The following DNAH8 variants were observed in gnomAD, a reference collection of about 807,000 sequenced individuals.
DNAH8 encodes the protein dynein axonemal heavy chain 8.
DNAH8 carries 382 observed loss-of-function variants against 562.1 expected under a neutral mutation model. That is an observed-to-expected ratio of 0.68 (90% CI 0.63 to 0.74). The LOEUF (loss-of-function observed/expected upper bound fraction) is 0.74, where lower values mean the gene tolerates loss of function less well. DNAH8 is among the 30% of genes least tolerant of loss of function. The pLI is 0.00. For missense variants in DNAH8, 5,203 were observed against 5,620.4 expected, an observed-to-expected ratio of 0.93 and a Z score of 2.37; for synonymous variants, 1,881 against 1,919.4, an observed-to-expected ratio of 0.98 and a Z score of 0.52.
At chr6:38,989,367 C>T (rs865879320) in intron 87 of DNAH8, among the ~76,000 whole-genome samples, 6 of 152,134 alleles carry the variant, frequency 3.9e-5, no homozygotes, top group Middle Eastern at 3.2e-3. Flanking sequence ...TTCACACCAA[C>T]TATATATTTG....
chr6:38,904,634 A>C (rs1393567829), intron 62 of DNAH8, among the ~76,000 whole-genome samples: 1 of 151,960 alleles, frequency 6.6e-6, no homozygotes, highest in Non-Finnish European at 1.5e-5. Context: ...TACTAAAAAT[A>C]CAAAAAAATT....
chr6:38,823,166 C>T, intron 27 of DNAH8, 132 bp downstream of exon 27: 1 of 702,768 alleles, frequency 1.4e-6, no homozygotes, highest in East Asian at 2.8e-5. Flanking sequence ...TACCAAGCAC[C>T]TGTCACCTTC....
In DNAH8 at chr6:39,002,391, T is replaced by C. The variant is rs552711321; in HGVS notation, c.13215-6423T>C. Among the ~76,000 whole-genome samples, 27 of 152,334 alleles carry C rather than the reference T, an allele frequency of 1.8e-4. 1 individual carries two copies. The South Asian group carries it at 3.7e-3, about 21-fold the overall frequency. On this transcript the variant is annotated intron_variant, in intron 88 of 92. Transcript: ENST00000327475. The stretch of plus-strand genomic sequence containing the variant: ...ATAGTAACATGTGGATCCTTGACTT[T>C]TGTTGACTTCATTTTGTTGTCTCAT...
chr6:38,734,770 A>C (rs1763954459), intron 5 of DNAH8, 145 bp downstream of exon 5: 2 of 906,132 alleles, frequency 2.2e-6, no homozygotes, highest in Non-Finnish European at 3.2e-6. Context: ...ATTAAAAAAA[A>C]CTGAGAAATT....
intron 88 of DNAH8, among the ~76,000 whole-genome samples, chr6:39,002,362 G>C (rs1044526092): frequency 6.6e-6 from 1 of 152,200 alleles, no homozygotes; most frequent in Non-Finnish European, 1.5e-5. Context: ...TTCTGAAAAT[G>C]TATATAGTAA....
chr6:38,826,734 T>A lies in DNAH8; in HGVS notation c.4083+343T>A, dbSNP rs1223890960. ...ACATGTTAGGCAAGTTCTCCCAAGA[T>A]CTTTGGCTTGCCTTAGAAACCAATT... On this transcript the variant is annotated intron_variant, in intron 29 of 92. Transcript: ENST00000327475. Among the ~76,000 whole-genome samples the A allele has an allele frequency of 3.3e-5, 5 of 152,348 alleles. No individual in the cohort carries two copies. In the East Asian group the frequency reaches 9.6e-4, roughly 29 times the overall value.
chr6:38,790,366 C>A lies in DNAH8; in HGVS notation c.2742C>A (p.Val914=). The A allele has an allele frequency of 1.9e-6, 3 of 1,604,694 alleles. No individual in the cohort carries two copies. The highest frequency in any genetic ancestry group is 1.1e-5 in the South Asian group (1 of 89,510). The change falls in exon 20 of 93, where the codon GTC becomes GTA. Residue 914 remains valine (V), a synonymous_variant. Coordinates refer to ENST00000327475, the MANE Select transcript of DNAH8 (RefSeq NM_001206927.2). ...CACTGGAAAGCTTCTTTCAAGAAGT[C>A]GAATTAGTTTTGGATATGTTCAATC... is the stretch of plus-strand genomic sequence containing the variant. ...SLTLESFFQE[V]ELVLDMFNQL...
chr6:38,731,947 C>G (rs1378287806), intron 4 of DNAH8, among the ~76,000 whole-genome samples: 1 of 152,196 alleles, frequency 6.6e-6, no homozygotes, highest in Non-Finnish European at 1.5e-5. Context: ...AACTCCTGGC[C>G]TCAGGTGATC....
chr6:38,968,541 T>C (rs927151731), intron 82 of DNAH8, among the ~76,000 whole-genome samples: 7 of 152,138 alleles, frequency 4.6e-5, no homozygotes, highest in Admixed American at 2.6e-4. Context: ...ATACTCAGCT[T>C]TGTTAGTTAT....
intron 10 of DNAH8, among the ~76,000 whole-genome samples, chr6:38,759,723 C>A (rs78931935): frequency 6.6e-6 from 1 of 151,984 alleles, no homozygotes; most frequent in Non-Finnish European, 1.5e-5. Context: ...GGTTTTCATT[C>A]CCCCCAACCC....
At chr6:38,887,794 T>C (rs1779055390) in intron 57 of DNAH8, among the ~76,000 whole-genome samples, 2 of 151,592 alleles carry the variant, frequency 1.3e-5, no homozygotes, top group Admixed American at 6.6e-5. Flanking sequence ...ATTAATTATT[T>C]GATATAGCAA....
At chr6:39,023,327 C>T (rs192231826) in intron 91 of DNAH8, among the ~76,000 whole-genome samples, 17 of 152,144 alleles carry the variant, frequency 1.1e-4, no homozygotes, top group Admixed American at 2.6e-4. Flanking sequence ...CCCGTCTCTA[C>T]TAAAAAATAC....
At position 38,868,065 on chromosome 6, in the gene DNAH8, C is replaced by T; in HGVS notation, c.6697C>T (p.His2233Tyr). 6.2e-7 allele frequency: 1 copy of T among 1,607,228 alleles called. No individual in the cohort carries two copies. Among genetic ancestry groups the T allele is most frequent in the Non-Finnish European group, 8.5e-7 (1 of 1,178,262 alleles). Residue 2233 changes from histidine to tyrosine, a missense_variant, in exon 48 of 93, where the codon CAT becomes TAT. Transcript: ENST00000327475. ...LCEEQLTKQVHYDFGLRNILS... is the reference protein window; with the variant it reads ...LCEEQLTKQVYYDFGLRNILS... ...TTGCCCTCTTCTCCCATCTCAGGTTCATTATGACTTTGGATTGAGAAATAT... is the reference window on the plus strand; with the variant it reads ...TTGCCCTCTTCTCCCATCTCAGGTTTATTATGACTTTGGATTGAGAAATAT...
At chr6:38,790,062 G>C (rs1331655819) in intron 19 of DNAH8, among the ~76,000 whole-genome samples, 179 bp downstream of exon 19, 2 of 144,324 alleles carry the variant, frequency 1.4e-5, no homozygotes, top group Non-Finnish European at 3.0e-5. Flanking sequence ...CGTTGCCTTT[G>C]AAAAAACAAC....
intron 88 of DNAH8, among the ~76,000 whole-genome samples, chr6:39,006,190 T>C (rs1191303800): frequency 6.6e-6 from 1 of 152,264 alleles, no homozygotes; most frequent in Non-Finnish European, 1.5e-5. Context: ...ACCTGTGTCA[T>C]ATTTAGCACC....
At chr6:38,854,780 A>T (rs1776050555) in intron 41 of DNAH8, among the ~76,000 whole-genome samples, 2 of 151,722 alleles carry the variant, frequency 1.3e-5, no homozygotes, top group South Asian at 4.2e-4. Flanking sequence ...GTTGAACAGG[A>T]TGTAGTAGGA....
intron 1 of DNAH8, among the ~76,000 whole-genome samples, chr6:38,722,257 A>G (rs1382461100): frequency 6.6e-6 from 1 of 152,206 alleles, no homozygotes; most frequent in Admixed American, 6.5e-5. Context: ...CTTTTATGGT[A>G]GATGAGATGG....
intron 52 of DNAH8, among the ~76,000 whole-genome samples, chr6:38,874,070 T>TTTCTTTCTTTCTTTCTC (rs1561797417): frequency 1.5e-5 from 1 of 65,356 alleles, no homozygotes; most frequent in Non-Finnish European, 3.6e-5. Flanking sequence ...TTCTTTCTTT[T>TTTCTTTCTTTCTTTCTC]TCTTTCTTTC....
At chr6:38,925,335 TTTTATTTTA>T (rs1554137215) in intron 73 of DNAH8, among the ~76,000 whole-genome samples, 5 of 135,286 alleles carry the variant, frequency 3.7e-5, no homozygotes, top group Admixed American at 7.4e-5. Flanking sequence ...TTTTATTTTA[TTTTATTTTA>T]TTTTTTTTAG....
Sources: allele counts gnomAD v4.1 joint callset (sites outside exome capture counted in the v4.1 genomes callset), GRCh38; gene constraint gnomAD v4.1.1; transcripts MANE v1.5; gene names NCBI Gene and HGNC (gene_info 2026-07-23, HGNC 2026-07-21).